KDM1B: variants seen among roughly 807,000 people sequenced by gnomAD.
KDM1B encodes lysine-specific histone demethylase 2.
Under a neutral mutation model 107.4 loss-of-function variants are expected in KDM1B, and 63 were observed. That is an observed-to-expected ratio of 0.59 (90% CI 0.48 to 0.72). The LOEUF (loss-of-function observed/expected upper bound fraction) is 0.72. Among genes scored for constraint, KDM1B ranks in the 30% least tolerant of loss-of-function variants. KDM1B has a pLI of 0.00. For missense variants in KDM1B, 749 were observed against 1,020.8 expected (o/e 0.73, Z 3.63); for synonymous variants, 363 against 363.9 (o/e 1.00, Z 0.03).
chr6:18,167,766 G>A (rs1785401345), intron 6 of KDM1B, among the ~76,000 whole-genome samples: 1 of 151,928 alleles, frequency 6.6e-6, no homozygotes, highest in Non-Finnish European at 1.5e-5. Flanking sequence ...GAGCCACAAT[G>A]CCCAATTTTT....
Position 18,212,007 on chromosome 6 carries a change from G to A in KDM1B, c.1867-481G>A, listed in dbSNP as rs1788885336. On this transcript the variant is annotated intron_variant, in intron 17 of 21. Coordinates refer to ENST00000650836, the MANE Select transcript of KDM1B (RefSeq NM_001364614.2). This position sits in a 1 kb window ranked among gnomAD's most constrained non-coding sequence, Gnocchi z 5.2. The stretch of plus-strand genomic sequence containing the variant: ...GTTGCCCAGGCTGGAGTGTAGTGGC[G>A]TGATCTCGGCTCACTGCAAACTCCG... The A allele has an allele frequency of 2.6e-5, 4 of 156,558 alleles. No homozygotes were observed. The highest frequency in any genetic ancestry group is 4.2e-5 in the Non-Finnish European group (3 of 72,158). 9.7% of individuals were successfully genotyped at this position (156,558 alleles called of 1,614,324 possible). A position where few individuals can be genotyped will look rare whatever the true frequency, so the allele number is the denominator to read the frequency against.
intron 7 of KDM1B, among the ~76,000 whole-genome samples, chr6:18,179,375 G>C (rs182530275): frequency 2.8e-4 from 43 of 152,180 alleles, no homozygotes; most frequent in African/African-American, 1.0e-3. Context: ...TAACCTTGTC[G>C]GGTTCTGCTT....
chr6:18,168,445 T>G (rs756482709), intron 6 of KDM1B, among the ~76,000 whole-genome samples: 13 of 152,260 alleles, frequency 8.5e-5, no homozygotes, highest in Admixed American at 6.5e-4. Context: ...AGTACTTCAT[T>G]CTTTTTTATG....
At chr6:18,185,950 A>G (rs1284745365) in intron 8 of KDM1B, 140 bp downstream of exon 8, 1 of 780,686 alleles carries the variant, frequency 1.3e-6, no homozygotes, top group Non-Finnish European at 2.2e-6. Flanking sequence ...CATGGTAACT[A>G]TATTATGAAA....
chr6:18,212,676 G>T lies in KDM1B; in HGVS notation c.1983+72G>T, dbSNP rs1272641158. 1.1e-6 allele frequency: 1 copy of T among 918,244 alleles called. No individual in the cohort carries two copies. The highest frequency in any genetic ancestry group is 1.8e-6 in the Non-Finnish European group (1 of 547,408). The allele number at this position is 918,244 out of a possible 1,614,324, so 56.9% of individuals were successfully genotyped here. On this transcript the variant is annotated intron_variant, in intron 18 of 21. Coordinates refer to ENST00000650836, the MANE Select transcript of KDM1B (RefSeq NM_001364614.2). The surrounding 1 kb of genome is among the most constrained non-coding windows in gnomAD (Gnocchi z 5.2). ...ATGATAGATGTTAACTTCTGATATG[G>T]AGAAGTAGTGGGTACTATCTAAATA...
At chr6:18,182,894 A>G (rs1374383760) in intron 7 of KDM1B, among the ~76,000 whole-genome samples, 1 of 152,118 alleles carries the variant, frequency 6.6e-6, no homozygotes, top group East Asian at 1.9e-4. Flanking sequence ...CGTTTAATTT[A>G]GTGCTATTGA....
Position 18,191,870 on chromosome 6 carries a change from T to G in KDM1B, c.969+489T>G, listed in dbSNP as rs1353577774. On this transcript the variant is annotated intron_variant, in intron 10 of 21. Transcript: ENST00000650836. The surrounding 1 kb of genome is among the most constrained non-coding windows in gnomAD (Gnocchi z 5.1). ...AACCAAGACCAGTACATTTCTTCTG[T>G]TGGGTCTAAATACATGTTAGGGCTG... is the stretch of plus-strand genomic sequence containing the variant. Among the ~76,000 whole-genome samples the G allele has an allele frequency of 6.6e-6, 1 of 151,594 alleles. No homozygotes were observed. The highest frequency in any genetic ancestry group is 1.9e-4 in the East Asian group (1 of 5,182).
intron 10 of KDM1B, among the ~76,000 whole-genome samples, chr6:18,194,184 T>A (rs1787491274): frequency 6.6e-6 from 1 of 151,974 alleles, no homozygotes; most frequent in Admixed American, 6.6e-5. Context: ...GCTAAATTTC[T>A]TGTATTTTTA....
rs77336178 is a variant in KDM1B at position 18,200,164 on chromosome 6, G to A, written c.1222-275G>A. Among the ~76,000 whole-genome samples, 3,550 of 152,312 alleles carry A rather than the reference G, an allele frequency of 0.023. 50 individuals carry two copies. Among genetic ancestry groups the A allele is most frequent in the African/African-American group, 0.053 (2,205 of 41,564 alleles). Reference sequence around the variant, plus strand: ...GCTGGTATTACAGGCATGAGCTATCGCATCTGGCCTAGTTCATCAAATCTT... The same window carrying A: ...GCTGGTATTACAGGCATGAGCTATCACATCTGGCCTAGTTCATCAAATCTT... On this transcript the variant is annotated intron_variant, in intron 12 of 21. Transcript: ENST00000650836. The surrounding 1 kb of genome is among the most constrained non-coding windows in gnomAD (Gnocchi z 4.3).
intron 21 of KDM1B, among the ~76,000 whole-genome samples, chr6:18,221,565 A>G (rs1789746356): frequency 6.6e-6 from 1 of 152,136 alleles, no homozygotes; most frequent in Non-Finnish European, 1.5e-5. Flanking sequence ...CTGAACTGCC[A>G]TTCATCTTTT....
rs1212434656 is a variant in KDM1B at position 18,156,239 on chromosome 6, G to A, written c.-14+313G>A. Among the ~76,000 whole-genome samples the A allele has an allele frequency of 2.6e-5, 4 of 152,232 alleles. No homozygotes were observed. In the East Asian group the frequency reaches 7.7e-4, roughly 29 times the overall value. On this transcript the variant is annotated intron_variant, in intron 2 of 21. Transcript: ENST00000650836. ...CTGGGATTGGAGACCTGGAGGAGGG[G>A]TGGCCCGATTAGGGTAGCTGTTAGT...
rs1034061754 is a variant in KDM1B, at chr6:18,205,372, G to A, written c.1532-165G>A. Among the ~76,000 whole-genome samples the A allele has an allele frequency of 1.3e-5, 2 of 152,140 alleles. No individual in the cohort carries two copies. Among genetic ancestry groups the A allele is most frequent in the Admixed American group, 1.3e-4 (2 of 15,268 alleles). ...AAAAAGATAAACTTTCTCTTCCTGA[G>A]AGAAATGGACCTTATCAAGAGATCT... On this transcript the variant is annotated intron_variant, in intron 14 of 21. Transcript: ENST00000650836. This position sits in a 1 kb window ranked among gnomAD's most constrained non-coding sequence, Gnocchi z 5.7.
intron 7 of KDM1B, among the ~76,000 whole-genome samples, chr6:18,182,845 A>G (rs1582129727): frequency 6.6e-6 from 1 of 152,060 alleles, no homozygotes; most frequent in Non-Finnish European, 1.5e-5. Context: ...ATTCTCTTCA[A>G]TGGCTGTCTA....
intron 7 of KDM1B, among the ~76,000 whole-genome samples, chr6:18,174,248 T>C (rs971247406): frequency 3.3e-5 from 5 of 152,140 alleles, no homozygotes; most frequent in African/African-American, 1.2e-4. Context: ...CTAACTTTTT[T>C]TTTGTTTTCA....
chr6:18,187,743 C>T, intron 8 of KDM1B, 49 bp from the exon 9 acceptor site: 1 of 1,259,386 alleles, frequency 7.9e-7, no homozygotes, highest in East Asian at 2.5e-5. Context: ...TCTGCATGTA[C>T]ATTTCTTGTC....
rs556726043 is a variant in KDM1B at position 18,186,385 on chromosome 6, C to T, written c.573+575C>T. On this transcript the variant is annotated intron_variant, in intron 8 of 21. Transcript: ENST00000650836. The surrounding 1 kb of genome is among the most constrained non-coding windows in gnomAD (Gnocchi z 5.6). Reference sequence around the variant, plus strand: ...ATGTAACCAGATTCGGTGACTGTTTCAGAAAAGAGGTTTTTAAATTTTGGG... The same window carrying T: ...ATGTAACCAGATTCGGTGACTGTTTTAGAAAAGAGGTTTTTAAATTTTGGG... 6.6e-6 allele frequency among the ~76,000 whole-genome samples: 1 copy of T among 152,228 alleles called. No homozygotes were observed. Among genetic ancestry groups the T allele is most frequent in the Admixed American group, 6.5e-5 (1 of 15,276 alleles).
chr6:18,187,965 G>A lies in KDM1B; in HGVS notation c.747G>A (p.Gly249=), dbSNP rs754497835. 56 of 1,550,534 alleles carry A rather than the reference G, an allele frequency of 3.6e-5. 1 individual carries two copies. In the Middle Eastern group the frequency reaches 5.0e-4, roughly 14 times the overall value. Reference sequence around the variant, plus strand: ...CTGCCACTGGCAATGCCAGCCCTGGGAAGCTGGAGCACTCCAAGGCTGCCC... The same window carrying A: ...CTGCCACTGGCAATGCCAGCCCTGGAAAGCTGGAGCACTCCAAGGCTGCCC... The part of the protein sequence containing the change: ...RAAATGNASP[G]KLEHSKAALS... The change falls in exon 9 of 22, where the codon GGG becomes GGA. Residue 249 remains glycine, a synonymous_variant. Coordinates refer to ENST00000650836, the MANE Select transcript of KDM1B (RefSeq NM_001364614.2).
chr6:18,157,002 CTT>C (rs2150739861), intron 2 of KDM1B, among the ~76,000 whole-genome samples: 1 of 152,234 alleles, frequency 6.6e-6, no homozygotes, highest in South Asian at 2.1e-4. Context: ...GATATATCCA[CTT>C]ATATATTTAC....
chr6:18,167,744 G>C (rs952657884), intron 6 of KDM1B, among the ~76,000 whole-genome samples: 32 of 152,000 alleles, frequency 2.1e-4, no homozygotes, highest in Admixed American at 2.0e-3. Context: ...ACAGTGCTGG[G>C]ATTACAGACA....
Sources: allele counts gnomAD v4.1 joint callset (sites outside exome capture counted in the v4.1 genomes callset), GRCh38; gene constraint gnomAD v4.1.1; non-coding constraint Gnocchi (gnomAD v3.1); transcripts MANE v1.5; gene names NCBI Gene and HGNC (gene_info 2026-07-23, HGNC 2026-07-21).